The following HNRNPUL2 variants were observed in gnomAD, a reference collection of about 807,000 sequenced individuals.
HNRNPUL2 encodes the protein heterogeneous nuclear ribonucleoprotein U-like protein 2.
Under a neutral mutation model 102.2 loss-of-function variants are expected in HNRNPUL2, and 27 were observed. The ratio of observed to expected loss-of-function variants is 0.26; its 90% CI spans 0.19 to 0.36. The LOEUF (loss-of-function observed/expected upper bound fraction) is 0.36. Among genes scored for constraint, HNRNPUL2 ranks in the 10% least tolerant of loss-of-function variants. The pLI is 1.00. For synonymous variants in HNRNPUL2, 458 were observed against 387.2 expected (o/e 1.18, Z -2.15); for missense variants, 936 against 981.1 (o/e 0.95, Z 0.61).
Position 62,724,441 on chromosome 11 carries a change from G to A in HNRNPUL2, c.539-15C>T, listed in dbSNP as rs1406550726. The A allele has an allele frequency of 8.1e-6, 13 of 1,614,076 alleles. No homozygotes were observed. Among genetic ancestry groups the A allele is most frequent in the Non-Finnish European group, 1.0e-5 (12 of 1,179,972 alleles). ...CTGGTCATCTCCTACAAAAACGAGG[G>A]AAAGAAAATCAGCAGTTTTCATACT... On this transcript the variant is annotated splice_polypyrimidine_tract_variant and intron_variant, in intron 1 of 13. Coordinates refer to ENST00000301785, the MANE Select transcript of HNRNPUL2 (RefSeq NM_001079559.3).
chr11:62,717,848 G>A (rs1213908554), intron 10 of HNRNPUL2, among the ~76,000 whole-genome samples: 1 of 152,206 alleles, frequency 6.6e-6, no homozygotes, highest in African/African-American at 2.4e-5. Context: ...TATACAAGGA[G>A]AAGAGAAGAC....
chr11:62,726,605 T>C lies in HNRNPUL2; in HGVS notation c.538+14A>G, dbSNP rs763001625. The C allele has an allele frequency of 1.9e-5, 29 of 1,542,458 alleles. No individual in the cohort carries two copies. Among genetic ancestry groups the C allele is most frequent in the Non-Finnish European group, 2.5e-5 (29 of 1,149,318 alleles). ...CCGGCAGGTTGGAGCCGGGCTCGGC[T>C]GCCAGCTCCTCACCCTGTTCCTCGG... On this transcript the variant is annotated intron_variant, in intron 1 of 13. Coordinates refer to ENST00000301785, the MANE Select transcript of HNRNPUL2 (RefSeq NM_001079559.3).
chr11:62,715,564 C>G lies in HNRNPUL2; in HGVS notation c.2099G>C (p.Arg700Pro). 1.2e-6 allele frequency: 2 copies of G among 1,613,244 alleles called. No individual in the cohort carries two copies. The highest frequency in any genetic ancestry group is 1.7e-6 in the Non-Finnish European group (2 of 1,179,382). The change falls in exon 13 of 14, where the codon CGA (arginine) becomes CCA (proline). Residue 700 changes from arginine (R) to proline (P), a missense_variant. This residue lies in a region of HNRNPUL2 where 609 missense variants were observed against 713.0 expected (regional missense o/e 0.85). Transcript: ENST00000301785. ...GTACTCATAATCTCGCCCGTAAAAT[C>G]GATCATAGTCTCCCCTGTATCGATC... is the stretch of plus-strand genomic sequence containing the variant. ...FYDRYRGDYD[R>P]FYGRDYEYNR...
intron 12 of HNRNPUL2, 90 bp downstream of exon 12, chr11:62,715,774 T>C: frequency 2.3e-6 from 3 of 1,323,272 alleles, no homozygotes; most frequent in Non-Finnish European, 3.2e-6. Flanking sequence ...CCCTAAGCCC[T>C]AAGAAAACAG....
At position 62,718,959 on chromosome 11, in the gene HNRNPUL2, T is replaced by G. The variant is rs1034556935; in HGVS notation, c.1780+1064A>C. The stretch of plus-strand genomic sequence containing the variant: ...TCTGCCTCAGCCTCCCGAGTAGCTG[T>G]GATTACAAGCGCCCACCACCATGCC... On this transcript the variant is annotated intron_variant, in intron 10 of 13. Coordinates refer to ENST00000301785, the MANE Select transcript of HNRNPUL2 (RefSeq NM_001079559.3). Among the ~76,000 whole-genome samples the G allele has an allele frequency of 2.0e-5, 3 of 151,904 alleles. No homozygotes were observed. The South Asian group carries it at 6.2e-4, about 32-fold the overall frequency.
chr11:62,721,947 A>G lies in HNRNPUL2; in HGVS notation c.1360-5T>C. The G allele has an allele frequency of 6.2e-7, 1 of 1,612,998 alleles. No homozygotes were observed. The highest frequency in any genetic ancestry group is 8.5e-7 in the Non-Finnish European group (1 of 1,179,716). ...TAGTCCCACCATCAGAATCACCTGC[A>G]AAAAACAGAACCAGAAATATAATGA... On this transcript the variant is annotated splice_polypyrimidine_tract_variant and splice_region_variant and intron_variant, in intron 7 of 13. Coordinates refer to ENST00000301785, the MANE Select transcript of HNRNPUL2 (RefSeq NM_001079559.3).
chr11:62,723,888 CCA>C (rs1590900211), intron 3 of HNRNPUL2, 24 bp downstream of exon 3: 3 of 1,609,088 alleles, frequency 1.9e-6, no homozygotes, highest in South Asian at 1.1e-5. Flanking sequence ...TAGTTAAAAA[CCA>C]CAGTCTGTCT....
chr11:62,715,462 C>A (rs764261951), intron 13 of HNRNPUL2, 38 bp downstream of exon 13: 1 of 1,576,494 alleles, frequency 6.3e-7, no homozygotes. Context: ...CTGCTCCTGC[C>A]CCCCTTCACC....
At position 62,727,158 on chromosome 11, in the gene HNRNPUL2, GCCGCCGCCGCCTCCTCCGCCTC is replaced by G. The variant is rs772551691; in HGVS notation, c.-24_-3del. The stretch of plus-strand genomic sequence containing the variant: ...CACTTTCAGCCGCTTCACCTCCATC[GCCGCCGCCGCCTCCTCCGCCTC>G]CCGCCGCCTCCTCCCCTGCGAACCG... On this transcript the variant is annotated 5_prime_UTR_variant, in exon 1 of 14. Coordinates refer to ENST00000301785, the MANE Select transcript of HNRNPUL2 (RefSeq NM_001079559.3). 1.5e-5 allele frequency: 21 copies of G among 1,424,052 alleles called. No individual in the cohort carries two copies. The highest frequency in any genetic ancestry group is 1.7e-5 in the Non-Finnish European group (18 of 1,089,934). 88.2% of individuals were successfully genotyped at this position (1,424,052 alleles called of 1,614,324 possible). A position where few individuals can be genotyped will look rare whatever the true frequency, so the allele number is the denominator to read the frequency against.
rs376141944 is a variant in HNRNPUL2 at position 62,722,876 on chromosome 11, C to G, written c.919G>C (p.Gly307Arg). The G allele has an allele frequency of 1.2e-6, 2 of 1,614,128 alleles. No individual in the cohort carries two copies. The highest frequency in any genetic ancestry group is 4.5e-5 in the East Asian group (2 of 44,886). The change falls in exon 5 of 14, where the codon GGC becomes CGC. Residue 307 changes from glycine to arginine, a missense_variant. Transcript: ENST00000301785. ...CGAAGGAGAGAGACCTCTGTGCAGC[C>G]TTCTTTCATTGGGAGATTCTGGGTT... ...KVTQNLPMKEGCTEVSLLRVG... is the reference protein window; with the variant it reads ...KVTQNLPMKERCTEVSLLRVG...
chr11:62,723,643 A>C lies in HNRNPUL2; in HGVS notation c.835T>G (p.Ser279Ala). ...LFSEKFPTLW[S>A]GARSTYGVTK... ...ACTCCGTAAGTACTCCTTGCCCCAG[A>C]CCAAAGGGTGGGGAACTTCTCTGAG... is the stretch of plus-strand genomic sequence containing the variant. Residue 279 changes from serine to alanine, a missense_variant, in exon 4 of 14, where the codon TCT (serine) becomes GCT (alanine). Physicochemically the swap from Ser to Ala is moderately conservative, Grantham distance 99 (BLOSUM62 1). Coordinates refer to ENST00000301785, the MANE Select transcript of HNRNPUL2 (RefSeq NM_001079559.3). 1 of 1,614,118 alleles carries C rather than the reference A, an allele frequency of 6.2e-7. No homozygotes were observed. Among genetic ancestry groups the C allele is most frequent in the Non-Finnish European group, 8.5e-7 (1 of 1,180,012 alleles).
At chr11:62,721,662 GA>G (rs961473007) in intron 8 of HNRNPUL2, among the ~76,000 whole-genome samples, 157 bp downstream of exon 8, 13 of 149,390 alleles carry the variant, frequency 8.7e-5, no homozygotes, top group South Asian at 2.1e-4. Context: ...ACACAGCAAA[GA>G]AAAAAAAAAT....
chr11:62,717,328 C>G (rs1462451165), intron 10 of HNRNPUL2, 139 bp from the exon 11 acceptor site: 1 of 643,504 alleles, frequency 1.6e-6, no homozygotes, highest in Admixed American at 3.0e-5. Flanking sequence ...TTTATACCCA[C>G]TCGCATCTAA....
At chr11:62,725,709 ATCC>A (rs1198911617) in intron 1 of HNRNPUL2, among the ~76,000 whole-genome samples, 1 of 152,220 alleles carries the variant, frequency 6.6e-6, no homozygotes, top group Non-Finnish European at 1.5e-5. Context: ...AGTAAGACTT[ATCC>A]TCCCTACTCG....
rs777997189 is a variant in HNRNPUL2 at position 62,722,281 on chromosome 11, G to C, written c.1195C>G (p.Leu399Val). ...TTTTTGCAGAGGACATGGGGTAGAAGGGCCCGGTCTGCCAGGGAATCCTTG... is the reference window on the plus strand; with the variant it reads ...TTTTTGCAGAGGACATGGGGTAGAACGGCCCGGTCTGCCAGGGAATCCTTG... The part of the protein sequence containing the change: ...ISKDSLADRA[L>V]LPHVLCKNCV... The change falls in exon 7 of 14, where the codon CTT becomes GTT. Residue 399 changes from leucine to valine, a missense_variant. Leu to Val is a conservative substitution (Grantham distance 32). Transcript: ENST00000301785. 3.3e-5 allele frequency: 53 copies of C among 1,614,174 alleles called. 4 individuals are homozygous for C. The South Asian group carries it at 5.7e-4, about 17-fold the overall frequency.
intron 9 of HNRNPUL2, among the ~76,000 whole-genome samples, chr11:62,720,676 A>G (rs2134775569): frequency 6.6e-6 from 1 of 152,080 alleles, no homozygotes; most frequent in South Asian, 2.1e-4. Flanking sequence ...CATCCTGGCT[A>G]ACACGATGAA....
In HNRNPUL2 at chr11:62,723,614, T is replaced by C. The variant is rs2083721104; in HGVS notation, c.864A>G (p.Thr288=). 1.2e-6 allele frequency: 2 copies of C among 1,612,436 alleles called. No homozygotes were observed. Among genetic ancestry groups the C allele is most frequent in the Admixed American group, 3.3e-5 (2 of 59,888 alleles). The change falls in exon 4 of 14, where the codon ACA becomes ACG. Residue 288 remains threonine, a synonymous_variant. Coordinates refer to ENST00000301785, the MANE Select transcript of HNRNPUL2 (RefSeq NM_001079559.3). ...TTGCCTCAAAGCAGACTTTTCCCTT[T>C]GTCACTCCGTAAGTACTCCTTGCCC... ...WSGARSTYGV[T]KGKVCFEAKV...
At chr11:62,724,138 T>C (rs2083725854) in intron 2 of HNRNPUL2, 148 bp from the exon 3 acceptor site, 1 of 1,185,146 alleles carries the variant, frequency 8.4e-7, no homozygotes, top group Non-Finnish European at 1.2e-6. Context: ...GAAAGGGCAA[T>C]AGGAGTTTCC....
chr11:62,714,320 T>G lies in HNRNPUL2; in HGVS notation c.*979A>C, dbSNP rs1208549477. The G allele has an allele frequency of 6.6e-6, 1 of 152,194 alleles. No homozygotes were observed. Among genetic ancestry groups the G allele is most frequent in the Non-Finnish European group, 1.5e-5 (1 of 68,052 alleles). 9.4% of individuals were successfully genotyped at this position (152,194 alleles called of 1,614,324 possible). On this transcript the variant is annotated 3_prime_UTR_variant, in exon 14 of 14. Coordinates refer to ENST00000301785, the MANE Select transcript of HNRNPUL2 (RefSeq NM_001079559.3). ...TATCCCGCTGCAGTGAAAAGAATCC[T>G]GCTGTGTTTTCGTGTGAGCTGAAAC...
Sources: gnomAD v4.1 joint callset for allele counts (sites outside exome capture counted in the v4.1 genomes callset) on GRCh38, gnomAD v4.1.1 for gene constraint, gnomAD v4.1.1 regional missense constraint, MANE v1.5 for transcripts, NCBI Gene and HGNC (gene_info 2026-07-23, HGNC 2026-07-21) for gene names.